PDE1B: variants seen among roughly 807,000 people sequenced by gnomAD.
PDE1B encodes the protein dual specificity calcium/calmodulin-dependent 3',5'-cyclic nucleotide phosphodiesterase 1B.
PDE1B carries 13 observed loss-of-function variants against 66.7 expected under a neutral mutation model. The ratio of observed to expected loss-of-function variants is 0.19; its 90% CI spans 0.13 to 0.31. The LOEUF (loss-of-function observed/expected upper bound fraction) is 0.31. PDE1B is among the 10% of genes least tolerant of loss of function. The probability of loss-of-function intolerance (pLI) is 1.00; values close to 1 mark genes in which losing one functional copy is unlikely to be tolerated. For synonymous variants in PDE1B, 230 were observed against 253.9 expected, an observed-to-expected ratio of 0.91 and a Z score of 0.90; for missense variants, 485 against 682.3, an observed-to-expected ratio of 0.71 and a Z score of 3.22.
intron 2 of PDE1B, 84 bp from the exon 3 acceptor site, chr12:54,566,890 T>G (rs2121104541): frequency 1.7e-6 from 1 of 583,698 alleles, no homozygotes; most frequent in South Asian, 2.3e-5. Flanking sequence ...GATGTTTCTG[T>G]AAAATGTACC....
Position 54,576,663 on chromosome 12 carries a change from A to G in PDE1B, c.1469A>G (p.Gln490Arg), listed in dbSNP as rs753128534. 1.2e-6 allele frequency: 2 copies of G among 1,613,346 alleles called. No individual in the cohort carries two copies. Among genetic ancestry groups the G allele is most frequent in the Admixed American group, 1.7e-5 (1 of 59,882 alleles). ...SFRSTWVKRI[Q>R]ENKQKWKERA... ...CGTTCCACCTGGGTCAAGCGCATTC[A>G]GGAGAATAAGCAGAAATGGAAGGAA... The change falls in exon 14 of 16, where the codon CAG (glutamine) becomes CGG (arginine). Residue 490 changes from glutamine (Q) to arginine (R), a missense_variant. Physicochemically the swap from Gln to Arg is conservative, Grantham distance 43 (BLOSUM62 1). Around this residue, in one of 4 missense-constraint regions of PDE1B, gnomAD observed 126 missense variants for 133.8 expected, o/e 0.94. Transcript: ENST00000243052.
intron 2 of PDE1B, among the ~76,000 whole-genome samples, chr12:54,565,509 T>A (rs377638866): frequency 1.5e-4 from 23 of 152,366 alleles, no homozygotes; most frequent in African/African-American, 5.5e-4. Flanking sequence ...TCCTCCCTAA[T>A]GAAGCTGGAG....
rs750405294 is a variant in PDE1B, at chr12:54,569,077, G to A, written c.228-107G>A. ...GAAAGGAAACAGGGTTGAAGACAGA[G>A]AGCTGGCATGAGAGTTACTAAATGT... On this transcript the variant is annotated intron_variant, in intron 3 of 15. Transcript: ENST00000243052. This position sits in a 1 kb window ranked among gnomAD's most constrained non-coding sequence, Gnocchi z 4.4. 3.4e-6 allele frequency: 5 copies of A among 1,472,816 alleles called. No individual in the cohort carries two copies. In the East Asian group the frequency reaches 1.2e-4, roughly 35 times the overall value. The allele number at this position is 1,472,816 out of a possible 1,614,324, so 91.2% of individuals were successfully genotyped here.
Position 54,549,685 on chromosome 12 carries a change from C to T in PDE1B, c.-101C>T, listed in dbSNP as rs930605793. ...GGGAGCCCAAAGCTCGGCTGGGCAG[C>T]GGGAGAGGAGGAGCCGCAGGAGCTG... is the stretch of plus-strand genomic sequence containing the variant. On this transcript the variant is annotated 5_prime_UTR_variant, in exon 1 of 16. Coordinates refer to ENST00000243052, the MANE Select transcript of PDE1B (RefSeq NM_000924.4). 1 of 486,742 alleles carries T rather than the reference C, an allele frequency of 2.1e-6. No homozygotes were observed. The allele number at this position is 486,742 out of a possible 1,614,324, so 30.2% of individuals were successfully genotyped here. A position where few individuals can be genotyped will look rare whatever the true frequency, so the allele number is the denominator to read the frequency against.
chr12:54,564,826 G>A (rs1957485296), intron 2 of PDE1B, among the ~76,000 whole-genome samples: 1 of 152,118 alleles, frequency 6.6e-6, no homozygotes, highest in African/African-American at 2.4e-5. Context: ...CTTGCTCAAA[G>A]GCTCACAGCA....
chr12:54,559,240 A>T (rs986637473), intron 2 of PDE1B, among the ~76,000 whole-genome samples: 1 of 25,530 alleles, frequency 3.9e-5, no homozygotes, highest in African/African-American at 1.4e-4. Flanking sequence ...ACCCACCCCC[A>T]CCCCTTTACC....
intron 6 of PDE1B, 158 bp from the exon 7 acceptor site, chr12:54,572,443 G>A (rs1468266890): frequency 2.9e-6 from 2 of 694,022 alleles, no homozygotes; most frequent in South Asian, 1.8e-5. Flanking sequence ...CAGCCAGCAG[G>A]TGGTAGAGGC....
At chr12:54,574,828 C>A in intron 10 of PDE1B, 1 of 220,708 alleles carries the variant, frequency 4.5e-6, no homozygotes. Flanking sequence ...CAAAAATTAG[C>A]TGGGTGTGGT....
At chr12:54,571,445 C>G (rs931876463) in intron 6 of PDE1B, 1 of 152,268 alleles carries the variant, frequency 6.6e-6, no homozygotes, top group Non-Finnish European at 1.5e-5. Context: ...CAAACTGGCT[C>G]TCAGACTTCA....
chr12:54,573,460 C>T lies in PDE1B; in HGVS notation c.942C>T (p.Asn314=), dbSNP rs1049547088. ...ATGATGAGATGAACATTTTCATCAA[C>T]CTCACCAAGGATGAGTTTGTGTGAG... ...MQDDEMNIFI[N]LTKDEFVELR... is the part of the protein sequence containing the mutation. The change falls in exon 9 of 16, where the codon AAC becomes AAT. Residue 314 remains asparagine (N), a synonymous_variant. Transcript: ENST00000243052. The surrounding 1 kb of genome is among the most constrained non-coding windows in gnomAD (Gnocchi z 5.2). The T allele has an allele frequency of 3.1e-6, 5 of 1,614,008 alleles. No individual in the cohort carries two copies. The highest frequency in any genetic ancestry group is 1.7e-5 in the Admixed American group (1 of 60,004).
chr12:54,577,298 T>G lies in PDE1B; in HGVS notation c.1581T>G (p.Asp527Glu). 1.9e-6 allele frequency: 3 copies of G among 1,607,864 alleles called. No homozygotes were observed. Among genetic ancestry groups the G allele is most frequent in the Non-Finnish European group, 1.7e-6 (2 of 1,176,564 alleles). ...EEEAPPSPAE[D>E]EHNQNGNLD ...AGGCCCCCCCATCCCCTGCCGAAGA[T>G]GAACACAACCAGAATGGGAATCTGG... is the stretch of plus-strand genomic sequence containing the variant. The change falls in exon 15 of 16, where the codon GAT (aspartate) becomes GAG (glutamate). Residue 527 changes from aspartate to glutamate, a missense_variant. Around this residue, in one of 4 missense-constraint regions of PDE1B, gnomAD observed 126 missense variants for 133.8 expected, o/e 0.94. Coordinates refer to ENST00000243052, the MANE Select transcript of PDE1B (RefSeq NM_000924.4).
At chr12:54,561,558 A>G (rs1231918830) in intron 2 of PDE1B, 2 of 1,503,594 alleles carry the variant, frequency 1.3e-6, no homozygotes, top group African/African-American at 1.4e-5. Flanking sequence ...GGATTTTGAT[A>G]CTCTGAAGCA....
At chr12:54,565,241 T>G (rs1416275663) in intron 2 of PDE1B, among the ~76,000 whole-genome samples, 1 of 152,162 alleles carries the variant, frequency 6.6e-6, no homozygotes, top group Non-Finnish European at 1.5e-5. Flanking sequence ...GGTGGGAATC[T>G]GGGGGAGAGA....
intron 2 of PDE1B, among the ~76,000 whole-genome samples, chr12:54,551,600 C>T (rs1451814573): frequency 6.6e-6 from 1 of 152,236 alleles, no homozygotes; most frequent in East Asian, 1.9e-4. Flanking sequence ...GCTCCCCTAA[C>T]ACTAGTGGCT....
At chr12:54,558,910 T>A (rs1957372260) in intron 2 of PDE1B, among the ~76,000 whole-genome samples, 1 of 152,164 alleles carries the variant, frequency 6.6e-6, no homozygotes, top group East Asian at 1.9e-4. Context: ...GGTGTTCTCA[T>A]ACCATATCTC....
At chr12:54,558,232 C>T (rs1957365295) in intron 2 of PDE1B, among the ~76,000 whole-genome samples, 2 of 152,014 alleles carry the variant, frequency 1.3e-5, no homozygotes, top group African/African-American at 2.4e-5. Flanking sequence ...TTCCTCCCTG[C>T]CCCCTTAATA....
intron 7 of PDE1B, 102 bp downstream of exon 7, chr12:54,572,843 T>A: frequency 1.7e-6 from 2 of 1,200,650 alleles, no homozygotes; most frequent in South Asian, 2.7e-5. Context: ...CGTTGGTTCT[T>A]CTTGGGCACT....
rs772714171 is a variant in PDE1B, at chr12:54,576,589, C to T, written c.1395C>T (p.Pro465=). 6.2e-7 allele frequency: 1 copy of T among 1,614,110 alleles called. No individual in the cohort carries two copies. The highest frequency in any genetic ancestry group is 1.1e-5 in the South Asian group (1 of 91,074). The change falls in exon 14 of 16, where the codon CCC becomes CCT. Residue 465 remains proline, a synonymous_variant. Transcript: ENST00000243052. ...CTTCTAGCTTTCAGTGGCGCCAGCC[C>T]TCTCTGGATGTGGAAGTGGGAGACC... ...KNQPSFQWRQ[P]SLDVEVGDPN...
chr12:54,561,531 TG>T, intron 2 of PDE1B: 2 of 1,461,448 alleles, frequency 1.4e-6, no homozygotes, highest in Non-Finnish European at 9.1e-7. Flanking sequence ...TTGGGGGCCC[TG>T]GGGCTCCTGG....
Sources: allele counts gnomAD v4.1 joint callset (sites outside exome capture counted in the v4.1 genomes callset), GRCh38; gene constraint gnomAD v4.1.1; regional missense constraint gnomAD v4.1.1; non-coding constraint Gnocchi (gnomAD v3.1); transcripts MANE v1.5; gene names NCBI Gene and HGNC (gene_info 2026-07-23, HGNC 2026-07-21).